EBPL: variants seen among roughly 807,000 people sequenced by gnomAD.
EBPL encodes the protein emopamil-binding protein-like.
A neutral mutation model predicts 19.0 loss-of-function variants in EBPL; 20 were observed. The ratio of observed to expected loss-of-function variants is 1.05; its 90% CI spans 0.74 to 1.53. The LOEUF (loss-of-function observed/expected upper bound fraction) is 1.53, where lower values mean the gene tolerates loss of function less well. Among genes scored for constraint, EBPL ranks in the 40% most tolerant of loss-of-function variants. The pLI is 0.00. For missense variants in EBPL, 219 were observed against 261.1 expected (o/e 0.84, Z 1.11); for synonymous variants, 107 against 117.0 (o/e 0.91, Z 0.55).
chr13:49,691,158 C>T, intron 1 of EBPL, 96 bp downstream of exon 1: 2 of 1,112,430 alleles, frequency 1.8e-6, no homozygotes, highest in Non-Finnish European at 2.3e-6. Flanking sequence ...GCGGCCAGCT[C>T]GCTGCAAAAA....
intron 2 of EBPL, 50 bp from the exon 3 acceptor site, chr13:49,663,245 A>G: frequency 6.2e-7 from 1 of 1,603,662 alleles, no homozygotes; most frequent in Admixed American, 1.7e-5. Flanking sequence ...TTTTTATGAC[A>G]GTTCATGGAA....
At chr13:49,667,703 T>C (rs1566314135) in intron 2 of EBPL, among the ~76,000 whole-genome samples, 1 of 152,230 alleles carries the variant, frequency 6.6e-6, no homozygotes, top group Admixed American at 6.5e-5. Context: ...CTGGCTAAAT[T>C]CAAACTCCTG....
intron 3 of EBPL, 46 bp downstream of exon 3, chr13:49,663,011 T>C (rs1257614264): frequency 5.0e-6 from 8 of 1,609,578 alleles, no homozygotes; most frequent in Non-Finnish European, 6.8e-6. Flanking sequence ...TGTTGGGACA[T>C]GTAATGTCTC....
In EBPL at chr13:49,675,664, G is replaced by A. The variant is rs147957136; in HGVS notation, c.172-5818C>T. Reference sequence around the variant, plus strand: ...AGTCTGCTGCTATGAACACTGGTTTGCAAGGATCTGTTGGAGTGCCTGGTT... The same window carrying A: ...AGTCTGCTGCTATGAACACTGGTTTACAAGGATCTGTTGGAGTGCCTGGTT... On this transcript the variant is annotated intron_variant, in intron 1 of 3. Coordinates refer to ENST00000242827, the MANE Select transcript of EBPL (RefSeq NM_032565.5). Among the ~76,000 whole-genome samples, 214 of 152,290 alleles carry A rather than the reference G, an allele frequency of 1.4e-3. 3 individuals carry two copies. The highest frequency in any genetic ancestry group is 0.012 in the Admixed American group (178 of 15,298).
intron 2 of EBPL, among the ~76,000 whole-genome samples, chr13:49,665,273 GCT>G (rs1965210226): frequency 6.6e-6 from 1 of 151,970 alleles, no homozygotes; most frequent in East Asian, 1.9e-4. Flanking sequence ...ACCACACTCA[GCT>G]AATACTGACT....
chr13:49,686,615 A>C (rs1954001702), intron 1 of EBPL: 4 of 1,288,392 alleles, frequency 3.1e-6, no homozygotes, highest in African/African-American at 1.5e-5. Flanking sequence ...ATATTTTAAA[A>C]GATTCTGCTC....
At chr13:49,690,430 A>AAAC (rs1954049538) in intron 1 of EBPL, among the ~76,000 whole-genome samples, 1 of 147,196 alleles carries the variant, frequency 6.8e-6, no homozygotes, top group Non-Finnish European at 1.5e-5. Flanking sequence ...AAAAAAAAAA[A>AAAC]AAACAAACTG....
chr13:49,670,070 G>GT (rs1241281976), intron 1 of EBPL, among the ~76,000 whole-genome samples: 3 of 152,148 alleles, frequency 2.0e-5, no homozygotes, highest in African/African-American at 7.2e-5. Flanking sequence ...AATTAATGTT[G>GT]TTTTTCAATG....
chr13:49,685,403 G>A (rs1177132305), intron 1 of EBPL, among the ~76,000 whole-genome samples: 2 of 152,254 alleles, frequency 1.3e-5, no homozygotes, highest in South Asian at 2.1e-4. Flanking sequence ...CCCCAAAAGC[G>A]TAATAAAGTG....
chr13:49,668,400 C>T lies in EBPL; in HGVS notation c.241+1377G>A, dbSNP rs553856864. ...CATCCTGGCTAACATGGTGAAACCC[C>T]GTCTCTACTAAAAATACAAAAAAAT... is the stretch of plus-strand genomic sequence containing the variant. On this transcript the variant is annotated intron_variant, in intron 2 of 3. Coordinates refer to ENST00000242827, the MANE Select transcript of EBPL (RefSeq NM_032565.5). 53 of 239,276 alleles carry T rather than the reference C, an allele frequency of 2.2e-4. No homozygotes were observed. In the East Asian group the frequency reaches 7.9e-3, roughly 36 times the overall value. The allele number at this position is 239,276 out of a possible 1,614,324, so 14.8% of individuals were successfully genotyped here.
chr13:49,679,579 A>C (rs549941282), intron 1 of EBPL, among the ~76,000 whole-genome samples: 24 of 152,304 alleles, frequency 1.6e-4, no homozygotes, highest in Admixed American at 3.3e-4. Flanking sequence ...GGCTCACTGC[A>C]GCCTCTCAGA....
chr13:49,675,076 C>A (rs1003204409), intron 1 of EBPL, among the ~76,000 whole-genome samples: 5 of 152,186 alleles, frequency 3.3e-5, no homozygotes, highest in Non-Finnish European at 7.3e-5. Flanking sequence ...TCATGCTAAG[C>A]CTCACAACGG....
At chr13:49,686,416 A>T in intron 1 of EBPL, 6 of 1,246,240 alleles carry the variant, frequency 4.8e-6, no homozygotes, top group African/African-American at 1.6e-5. Context: ...TGGCTTCTGG[A>T]GCCTCCCTCC....
intron 2 of EBPL, among the ~76,000 whole-genome samples, chr13:49,664,421 G>A (rs1965197159): frequency 1.3e-5 from 2 of 152,164 alleles, no homozygotes; most frequent in South Asian, 2.1e-4. Flanking sequence ...AGTCTCAGCT[G>A]TGCTGCTTGG....
rs893633354 is a variant in EBPL, at chr13:49,686,384, C to T, written c.171+4870G>A. The stretch of plus-strand genomic sequence containing the variant: ...GCTTTCATCTACTGCCCAGCTTCTC[C>T]TCTACCTGGCCTATAAGCCTTTGGC... On this transcript the variant is annotated intron_variant, in intron 1 of 3. Transcript: ENST00000242827. 3.3e-6 allele frequency: 4 copies of T among 1,195,430 alleles called. No individual in the cohort carries two copies. In the African/African-American group the frequency reaches 4.8e-5, roughly 14 times the overall value. The allele number at this position is 1,195,430 out of a possible 1,614,324, so 74.1% of individuals were successfully genotyped here.
chr13:49,673,448 T>A (rs911670166), intron 1 of EBPL, among the ~76,000 whole-genome samples: 4 of 152,344 alleles, frequency 2.6e-5, no homozygotes, highest in African/African-American at 7.2e-5. Flanking sequence ...TTTCTGTATT[T>A]ATTTTTTGAG....
intron 2 of EBPL, among the ~76,000 whole-genome samples, chr13:49,667,851 T>C (rs556329685): frequency 3.0e-4 from 46 of 152,280 alleles, no homozygotes; most frequent in Admixed American, 1.8e-3. Flanking sequence ...TGTTAGACAT[T>C]TGCATTTCAT....
chr13:49,680,567 T>G (rs193085634), intron 1 of EBPL, among the ~76,000 whole-genome samples: 2 of 152,356 alleles, frequency 1.3e-5, no homozygotes, highest in East Asian at 3.9e-4. Flanking sequence ...CTTATGCCTG[T>G]AATCCCAGCA....
intron 1 of EBPL, among the ~76,000 whole-genome samples, chr13:49,675,571 G>A (rs1272608000): frequency 6.6e-6 from 1 of 152,210 alleles, no homozygotes; most frequent in African/African-American, 2.4e-5. Context: ...TGCAGGCACT[G>A]CATTTTGTTT....
Sources: allele counts gnomAD v4.1 joint callset (sites outside exome capture counted in the v4.1 genomes callset), GRCh38; gene constraint gnomAD v4.1.1; transcripts MANE v1.5; gene names NCBI Gene and HGNC (gene_info 2026-07-23, HGNC 2026-07-21).